TM9SF3: variants seen among roughly 807,000 people sequenced by gnomAD.
The protein encoded by TM9SF3 is SM-11044-binding protein.
TM9SF3 carries 14 observed loss-of-function variants against 78.6 expected under a neutral mutation model. The observed-to-expected ratio is 0.18, with a 90% CI of 0.12 to 0.28. The LOEUF (loss-of-function observed/expected upper bound fraction) is 0.28, where lower values mean the gene tolerates loss of function less well. Ranked by LOEUF, TM9SF3 falls within the 10% of genes least tolerant of loss-of-function variation. The pLI is 1.00. For synonymous variants in TM9SF3, 231 were observed against 241.7 expected (o/e 0.96, Z 0.41); for missense variants, 496 against 721.9 (o/e 0.69, Z 3.59).
chr10:96,565,845 G>C (rs887644683), intron 2 of TM9SF3, among the ~76,000 whole-genome samples: 6 of 152,166 alleles, frequency 3.9e-5, no homozygotes, highest in Non-Finnish European at 7.4e-5. Context: ...AGATCTCTCT[G>C]AGATAAACAC....
chr10:96,524,086 G>C (rs375204226), intron 14 of TM9SF3, among the ~76,000 whole-genome samples: 2 of 151,672 alleles, frequency 1.3e-5, no homozygotes, highest in African/African-American at 4.8e-5. Context: ...TAGGCCATGA[G>C]TTGATAATTA....
chr10:96,522,459 C>T, intron 14 of TM9SF3, 129 bp from the exon 15 acceptor site: 1 of 674,904 alleles, frequency 1.5e-6, no homozygotes, highest in Non-Finnish European at 2.3e-6. Flanking sequence ...TGTTAGTATT[C>T]TCTCTGAACT....
In TM9SF3 at chr10:96,521,123, GAAGAA is replaced by G. The variant is rs1241367795; in HGVS notation, c.*1135_*1139del. 8.0e-6 allele frequency: 3 copies of G among 375,984 alleles called. No individual in the cohort carries two copies. The highest frequency in any genetic ancestry group is 1.4e-5 in the Non-Finnish European group (3 of 211,376). 23.3% of individuals were successfully genotyped at this position (375,984 alleles called of 1,614,324 possible). ...CTGTAGGAGTCTCAGAAAATAAACA[GAAGAA>G]AACAACCCCCCTCCCAAAAGAAGTA... is the stretch of plus-strand genomic sequence containing the variant. On this transcript the variant is annotated 3_prime_UTR_variant, in exon 15 of 15. Coordinates refer to ENST00000371142, the MANE Select transcript of TM9SF3 (RefSeq NM_020123.4).
intron 1 of TM9SF3, among the ~76,000 whole-genome samples, chr10:96,580,754 C>T (rs536931362): frequency 2.6e-5 from 4 of 152,218 alleles, no homozygotes; most frequent in African/African-American, 9.6e-5. Context: ...CAGTAGCTAA[C>T]AATAAATACA....
chr10:96,576,565 T>C, intron 2 of TM9SF3, 69 bp downstream of exon 2: 3 of 1,394,112 alleles, frequency 2.2e-6, no homozygotes, highest in Non-Finnish European at 2.9e-6. Flanking sequence ...CCAGTGTCAA[T>C]AGTGCCAAAA....
At chr10:96,525,133 T>A (rs1211899819) in intron 14 of TM9SF3, among the ~76,000 whole-genome samples, 2 of 152,022 alleles carry the variant, frequency 1.3e-5, no homozygotes, top group African/African-American at 2.4e-5. Flanking sequence ...TAATCGATTC[T>A]ATACCTCACT....
At chr10:96,579,598 T>TGCCC (rs1181396035) in intron 1 of TM9SF3, among the ~76,000 whole-genome samples, 3 of 152,224 alleles carry the variant, frequency 2.0e-5, no homozygotes, top group Admixed American at 6.5e-5. Context: ...TGTGATGTGA[T>TGCCC]GCCCGTACTG....
intron 7 of TM9SF3, 32 bp from the exon 8 acceptor site, chr10:96,548,021 A>T (rs779309180): frequency 6.9e-7 from 1 of 1,459,496 alleles, no homozygotes; most frequent in African/African-American, 1.4e-5. Context: ...AAAAAATTAA[A>T]ACCAACAATT....
chr10:96,586,892 TCCTCCGCCGCCGCCG>T lies in TM9SF3; in HGVS notation c.-72_-58del, dbSNP rs1220108953. The T allele has an allele frequency of 6.2e-5, 69 of 1,112,634 alleles. No homozygotes were observed. The highest frequency in any genetic ancestry group is 7.3e-5 in the Non-Finnish European group (66 of 900,344). The allele number at this position is 1,112,634 out of a possible 1,614,324, so 68.9% of individuals were successfully genotyped here. A position where few individuals can be genotyped will look rare whatever the true frequency, so the allele number is the denominator to read the frequency against. ...ACCGACTCCTCCTCCCGCCGCCGCC[TCCTCCGCCGCCGCCG>T]CCTCCGCCGCGGCCGATTCGCATCC... On this transcript the variant is annotated 5_prime_UTR_variant, in exon 1 of 15. Transcript: ENST00000371142.
intron 1 of TM9SF3, among the ~76,000 whole-genome samples, chr10:96,580,146 G>C (rs993921849): frequency 6.6e-6 from 1 of 152,176 alleles, no homozygotes; most frequent in Non-Finnish European, 1.5e-5. Flanking sequence ...TCAGGCTACC[G>C]GCATTCTTCA....
At chr10:96,567,407 G>C (rs555618417) in intron 2 of TM9SF3, among the ~76,000 whole-genome samples, 1 of 152,256 alleles carries the variant, frequency 6.6e-6, no homozygotes, top group East Asian at 1.9e-4. Context: ...GCTTTTAAAA[G>C]ATTCCTCAGA....
At chr10:96,552,293 T>TA (rs541333003) in intron 6 of TM9SF3, among the ~76,000 whole-genome samples, 30 of 151,842 alleles carry the variant, frequency 2.0e-4, no homozygotes, top group African/African-American at 6.0e-4. Context: ...CTACAATAAA[T>TA]AAAAAAATAG....
At chr10:96,557,589 T>C (rs1354942843) in intron 5 of TM9SF3, among the ~76,000 whole-genome samples, 2 of 152,164 alleles carry the variant, frequency 1.3e-5, no homozygotes, top group African/African-American at 2.4e-5. Context: ...AAATCTGCAG[T>C]CCTTAAAATG....
At chr10:96,534,811 A>C (rs1847936830) in intron 9 of TM9SF3, among the ~76,000 whole-genome samples, 1 of 152,228 alleles carries the variant, frequency 6.6e-6, no homozygotes, top group Non-Finnish European at 1.5e-5. Flanking sequence ...ACCAAATATC[A>C]GTATACTGGA....
In TM9SF3 at chr10:96,519,124, AT is replaced by A. The variant is rs1253265071; in HGVS notation, c.*3138del. 2 of 152,224 alleles carry A rather than the reference AT, an allele frequency of 1.3e-5. No homozygotes were observed. The highest frequency in any genetic ancestry group is 3.4e-3 in the Middle Eastern group (1 of 294). The allele number at this position is 152,224 out of a possible 1,614,324, so 9.4% of individuals were successfully genotyped here. ...CTTTTTGTTTTTTACATTTGTAAAAATTCAAGGTTTTAATAACATTTCTTTG... is the reference window on the plus strand; with the variant it reads ...CTTTTTGTTTTTTACATTTGTAAAAATCAAGGTTTTAATAACATTTCTTTG... On this transcript the variant is annotated 3_prime_UTR_variant, in exon 15 of 15. Transcript: ENST00000371142.
chr10:96,585,393 T>C (rs1848617883), intron 1 of TM9SF3, among the ~76,000 whole-genome samples: 1 of 152,240 alleles, frequency 6.6e-6, no homozygotes, highest in Admixed American at 6.5e-5. Context: ...AGACAGCTTA[T>C]CTGATGAAAG....
At chr10:96,533,294 G>GT in intron 9 of TM9SF3, 104 bp from the exon 10 acceptor site, 1 of 1,380,024 alleles carries the variant, frequency 7.2e-7, no homozygotes, top group Non-Finnish European at 9.7e-7. Context: ...AAAAGAAAAT[G>GT]TTTAAGTTCA....
At chr10:96,526,189 G>A (rs1847836431) in intron 14 of TM9SF3, among the ~76,000 whole-genome samples, 1 of 152,082 alleles carries the variant, frequency 6.6e-6, no homozygotes, top group Non-Finnish European at 1.5e-5. Flanking sequence ...TGGCTATTAA[G>A]TGGGGAGTTC....
chr10:96,560,950 T>C (rs1848300547), intron 4 of TM9SF3: 2 of 475,338 alleles, frequency 4.2e-6, no homozygotes, highest in South Asian at 3.3e-5. Flanking sequence ...TACTGGTAAA[T>C]TAAGCCCAAA....
Sources: allele counts gnomAD v4.1 joint callset (sites outside exome capture counted in the v4.1 genomes callset), GRCh38; gene constraint gnomAD v4.1.1; transcripts MANE v1.5; gene names NCBI Gene and HGNC (gene_info 2026-07-23, HGNC 2026-07-21).